The following KCNH7 variants were observed in gnomAD, a reference collection of about 807,000 sequenced individuals.
KCNH7 encodes the protein voltage-gated inwardly rectifying potassium channel KCNH7.
KCNH7 carries 49 observed loss-of-function variants against 120.8 expected under a neutral mutation model. The observed-to-expected ratio is 0.41, with a 90% CI of 0.32 to 0.51. KCNH7 has a LOEUF of 0.51. KCNH7 is among the 20% of genes least tolerant of loss of function. The pLI, the probability that KCNH7 is intolerant of heterozygous loss-of-function variation, is 0.38. For missense variants in KCNH7, 1,097 were observed against 1,446.6 expected, an observed-to-expected ratio of 0.76 and a Z score of 3.92; for synonymous variants, 547 against 516.1, an observed-to-expected ratio of 1.06 and a Z score of -0.81.
rs138113537 is a variant in KCNH7, at chr2:162,719,919, G to A, written c.307+116618C>T. Among the ~76,000 whole-genome samples, 91 of 152,088 alleles carry A rather than the reference G, an allele frequency of 6.0e-4. 1 individual carries two copies. Among genetic ancestry groups the A allele is most frequent in the African/African-American group, 2.2e-3 (90 of 41,526 alleles). Reference sequence around the variant, plus strand: ...TAATACACTCTTCATTTGTGGTTATGTTTAATCATATTTAAAATACTAGGA... The same window carrying A: ...TAATACACTCTTCATTTGTGGTTATATTTAATCATATTTAAAATACTAGGA... On this transcript the variant is annotated intron_variant, in intron 2 of 15. Transcript: ENST00000332142.
At chr2:162,531,413 C>T (rs185763224) in intron 3 of KCNH7, among the ~76,000 whole-genome samples, 8 of 151,960 alleles carry the variant, frequency 5.3e-5, no homozygotes, top group South Asian at 2.1e-4. Flanking sequence ...ACAACTATTC[C>T]GTGGGAAAAT....
intron 2 of KCNH7, among the ~76,000 whole-genome samples, chr2:162,802,788 C>T (rs535472168): frequency 2.0e-5 from 3 of 151,654 alleles, no homozygotes; most frequent in Non-Finnish European, 4.4e-5. Context: ...AAGAACATCT[C>T]AATTCAGAAG....
chr2:162,475,060 A>T (rs980510109), intron 6 of KCNH7, among the ~76,000 whole-genome samples: 10 of 152,226 alleles, frequency 6.6e-5, no homozygotes, highest in African/African-American at 2.4e-4. Context: ...ACTGTGGGGT[A>T]ACAAAGGCTT....
chr2:162,541,270 G>T (rs1692293350), intron 2 of KCNH7, among the ~76,000 whole-genome samples: 2 of 152,104 alleles, frequency 1.3e-5, no homozygotes, highest in South Asian at 2.1e-4. Context: ...ACTGGATGAG[G>T]TCACACAGGG....
At chr2:162,381,623 T>C (rs982356240) in intron 13 of KCNH7, among the ~76,000 whole-genome samples, 3 of 151,990 alleles carry the variant, frequency 2.0e-5, no homozygotes, top group African/African-American at 7.2e-5. Context: ...AGGATCAGAG[T>C]TCCTTCTTCT....
rs769002246 is a variant in KCNH7 at position 162,372,104 on chromosome 2, A to G, written c.3325-9T>C. 1.3e-6 allele frequency: 2 copies of G among 1,597,872 alleles called. No individual in the cohort carries two copies. The highest frequency in any genetic ancestry group is 1.7e-6 in the Non-Finnish European group (2 of 1,168,566). ...TCTAGAAATTCAGGACACTGATGGA[A>G]AAAGAACAAAACAAGTTTTTATAAT... On this transcript the variant is annotated splice_polypyrimidine_tract_variant and intron_variant, in intron 15 of 15. Transcript: ENST00000332142.
intron 2 of KCNH7, among the ~76,000 whole-genome samples, chr2:162,703,065 A>T (rs2105346356): frequency 6.6e-6 from 1 of 152,276 alleles, no homozygotes; most frequent in South Asian, 2.1e-4. Flanking sequence ...GGGTTGAATA[A>T]ACGATTTATT....
intron 6 of KCNH7, among the ~76,000 whole-genome samples, chr2:162,490,952 T>C (rs1184504495): frequency 6.6e-6 from 1 of 152,232 alleles, no homozygotes; most frequent in African/African-American, 2.4e-5. Context: ...GCCACAGGTA[T>C]GCACTCCCTG....
At chr2:162,373,202 A>G (rs1236836955) in intron 15 of KCNH7, among the ~76,000 whole-genome samples, 2 of 152,212 alleles carry the variant, frequency 1.3e-5, no homozygotes, top group East Asian at 3.9e-4. Context: ...TTGATTCTGG[A>G]AGAAAGGTTT....
At chr2:162,699,471 G>C (rs1455316557) in intron 2 of KCNH7, among the ~76,000 whole-genome samples, 1 of 152,048 alleles carries the variant, frequency 6.6e-6, no homozygotes, top group Non-Finnish European at 1.5e-5. Flanking sequence ...GAAATGTACT[G>C]GATAAGTGTA....
intron 2 of KCNH7, among the ~76,000 whole-genome samples, chr2:162,580,916 T>C (rs1574130484): frequency 1.3e-5 from 2 of 152,006 alleles, no homozygotes; most frequent in East Asian, 1.9e-4. Flanking sequence ...CTGGGTGATA[T>C]AGAGAAAGGA....
intron 2 of KCNH7, among the ~76,000 whole-genome samples, chr2:162,756,702 G>A (rs1180404359): frequency 1.3e-5 from 2 of 152,128 alleles, no homozygotes; most frequent in Middle Eastern, 3.4e-3. Context: ...GGCTCAAGTC[G>A]TCCTCTTGCG....
chr2:162,733,991 C>T (rs1687816583), intron 2 of KCNH7, among the ~76,000 whole-genome samples: 1 of 152,106 alleles, frequency 6.6e-6, no homozygotes, highest in South Asian at 2.1e-4. Flanking sequence ...CTGCTTTCCC[C>T]AGTTTTCAAA....
chr2:162,836,560 T>G lies in KCNH7; in HGVS notation c.284A>C (p.Glu95Ala). The G allele has an allele frequency of 6.2e-7, 1 of 1,613,928 alleles. No homozygotes were observed. The highest frequency in any genetic ancestry group is 1.3e-5 in the African/African-American group (1 of 75,038). ...ALLGSEERKV[E>A]VTYYHKNGST... ...ACCATTTTTGTGATAGTAGGTGACC[T>G]CCACTTTCCTCTCTTCTGACCCCAG... The change falls in exon 2 of 16, where the codon GAG (glutamate) becomes GCG (alanine). Residue 95 changes from glutamate to alanine, a missense_variant. Coordinates refer to ENST00000332142, the MANE Select transcript of KCNH7 (RefSeq NM_033272.4).
intron 6 of KCNH7, among the ~76,000 whole-genome samples, chr2:162,469,909 G>C (rs568181401): frequency 8.1e-4 from 124 of 152,352 alleles, no homozygotes; most frequent in Admixed American, 2.7e-3. Flanking sequence ...GGGTTTCGCT[G>C]TCTTGGCCGG....
chr2:162,641,477 A>C (rs142356763), intron 2 of KCNH7, among the ~76,000 whole-genome samples: 1 of 152,264 alleles, frequency 6.6e-6, no homozygotes, highest in East Asian at 1.9e-4. Flanking sequence ...TGGGAGGCTG[A>C]GATGGGAGGA....
chr2:162,445,866 T>C (rs530747725), intron 7 of KCNH7, 152 bp downstream of exon 7: 5 of 633,584 alleles, frequency 7.9e-6, no homozygotes, highest in South Asian at 6.9e-5. Context: ...GGCAAAATGG[T>C]TTCATTTCAT....
At position 162,784,406 on chromosome 2, in the gene KCNH7, C is replaced by T. The variant is rs573099308; in HGVS notation, c.307+52131G>A. ...GGCATATTGACCACTACTGTTCCTT[C>T]CTTCAACCTCTGTCATGTTAGGTAT... is the stretch of plus-strand genomic sequence containing the variant. On this transcript the variant is annotated intron_variant, in intron 2 of 15. Coordinates refer to ENST00000332142, the MANE Select transcript of KCNH7 (RefSeq NM_033272.4). 2.7e-4 allele frequency among the ~76,000 whole-genome samples: 41 copies of T among 152,192 alleles called. 1 individual carries two copies. In the South Asian group the frequency reaches 4.8e-3, roughly 18 times the overall value.
chr2:162,377,239 T>C (rs985027970), intron 14 of KCNH7, among the ~76,000 whole-genome samples: 1 of 151,702 alleles, frequency 6.6e-6, no homozygotes, highest in Admixed American at 6.6e-5. Flanking sequence ...AAATGTAATA[T>C]TTTGGATTTT....
Sources: allele counts gnomAD v4.1 joint callset (sites outside exome capture counted in the v4.1 genomes callset), GRCh38; gene constraint gnomAD v4.1.1; transcripts MANE v1.5; gene names NCBI Gene and HGNC (gene_info 2026-07-23, HGNC 2026-07-21).